FSHR: variants seen among roughly 807,000 people sequenced by gnomAD.
The protein encoded by FSHR is follicle stimulating hormone receptor, also known as follicle-stimulating hormone receptor.
In FSHR, 46 loss-of-function variants were observed where a neutral mutation model predicts 52.1. The ratio of observed to expected loss-of-function variants is 0.88; its 90% CI spans 0.70 to 1.13. The LOEUF is 1.13. Ranked by LOEUF, FSHR falls within the 50% of genes most tolerant of loss-of-function variation. The pLI, the probability that FSHR is intolerant of heterozygous loss-of-function variation, is 0.00. For synonymous variants in FSHR, 399 were observed against 309.6 expected (o/e 1.29, Z -3.03); for missense variants, 964 against 834.6 (o/e 1.16, Z -1.91).
chr2:49,151,882 A>C (rs193234135), intron 1 of FSHR, among the ~76,000 whole-genome samples: 76 of 152,278 alleles, frequency 5.0e-4, no homozygotes, highest in Non-Finnish European at 8.7e-4. Flanking sequence ...TGTGAGTTGT[A>C]ATTCACTTGA....
rs563727214 is a variant in FSHR, at chr2:49,055,606, A to G, written c.224+12613T>C. On this transcript the variant is annotated intron_variant, in intron 2 of 9. Coordinates refer to ENST00000406846, the MANE Select transcript of FSHR (RefSeq NM_000145.4). ...CCAAAAGTTCTTTCCAAGGCACATTACAGTCAAATAGTCAAAAGTCAAAGA... is the reference window on the plus strand; with the variant it reads ...CCAAAAGTTCTTTCCAAGGCACATTGCAGTCAAATAGTCAAAAGTCAAAGA... 2.7e-3 allele frequency among the ~76,000 whole-genome samples: 413 copies of G among 150,890 alleles called. 3 individuals carry two copies. Among genetic ancestry groups the G allele is most frequent in the African/African-American group, 9.6e-3 (396 of 41,234 alleles).
intron 1 of FSHR, among the ~76,000 whole-genome samples, chr2:49,142,622 A>G (rs1403427569): frequency 6.6e-6 from 1 of 152,200 alleles, no homozygotes; most frequent in Non-Finnish European, 1.5e-5. Context: ...ATGAAGTTCT[A>G]TGTAATTGGA....
At chr2:48,983,334 G>C (rs1675343240) in intron 6 of FSHR, among the ~76,000 whole-genome samples, 168 bp from the exon 7 acceptor site, 1 of 152,182 alleles carries the variant, frequency 6.6e-6, no homozygotes, top group Admixed American at 6.5e-5. Flanking sequence ...ATTTATTGCT[G>C]TATAATCTTT....
intron 1 of FSHR, among the ~76,000 whole-genome samples, chr2:49,134,254 G>A (rs903779796): frequency 6.6e-6 from 1 of 152,166 alleles, no homozygotes; most frequent in Non-Finnish European, 1.5e-5. Context: ...AGTGGGCAAA[G>A]GATATGAACA....
intron 6 of FSHR, 74 bp downstream of exon 6, chr2:48,988,903 A>G (rs1216995302): frequency 7.9e-7 from 1 of 1,261,798 alleles, no homozygotes; most frequent in African/African-American, 1.5e-5. Flanking sequence ...AAAAAGGAGC[A>G]TCCAATTATG....
At chr2:49,102,024 G>A (rs1052275631) in intron 1 of FSHR, among the ~76,000 whole-genome samples, 1 of 152,098 alleles carries the variant, frequency 6.6e-6, no homozygotes, top group African/African-American at 2.4e-5. Flanking sequence ...CTACCACATT[G>A]GGGATTAAAT....
Position 49,013,255 on chromosome 2 carries a change from A to G in FSHR, c.374+4234T>C, listed in dbSNP as rs997454564. Among the ~76,000 whole-genome samples the G allele has an allele frequency of 3.3e-5, 5 of 151,804 alleles. No homozygotes were observed. In the East Asian group the frequency reaches 7.8e-4, roughly 24 times the overall value. ...TTCCCAGCCTCTAGAACTGTCAGAA[A>G]TAAATTTCTGTTGTTTAATTTACTT... On this transcript the variant is annotated intron_variant, in intron 4 of 9. Transcript: ENST00000406846.
rs572692264 is a variant in FSHR at position 49,069,934 on chromosome 2, G to A, written c.153-1644C>T. On this transcript the variant is annotated intron_variant, in intron 1 of 9. Transcript: ENST00000406846. ...TTGCTTTAGCCTTCTGTTATATATTGGTGTTAGTGAAATTTCTGTTTCAGA... is the reference window on the plus strand; with the variant it reads ...TTGCTTTAGCCTTCTGTTATATATTAGTGTTAGTGAAATTTCTGTTTCAGA... Among the ~76,000 whole-genome samples, 5 of 152,188 alleles carry A rather than the reference G, an allele frequency of 3.3e-5. No homozygotes were observed. The East Asian group carries it at 9.6e-4, about 29-fold the overall frequency.
At chr2:49,088,389 G>A (rs1670478029) in intron 1 of FSHR, among the ~76,000 whole-genome samples, 1 of 152,170 alleles carries the variant, frequency 6.6e-6, no homozygotes, top group East Asian at 1.9e-4. Context: ...CCAAGAAGGG[G>A]AAAGAAGAAA....
chr2:49,119,414 C>A (rs1156518566), intron 1 of FSHR, among the ~76,000 whole-genome samples: 3 of 151,586 alleles, frequency 2.0e-5, no homozygotes, highest in Non-Finnish European at 4.4e-5. Flanking sequence ...TTTTTTCATC[C>A]TAGTCATTTT....
chr2:49,048,193 C>G (rs1362530295), intron 2 of FSHR, among the ~76,000 whole-genome samples: 1 of 151,882 alleles, frequency 6.6e-6, no homozygotes, highest in African/African-American at 2.4e-5. Context: ...GCCTGTATAG[C>G]TTAAATTGAT....
At chr2:49,077,898 T>C (rs1378465979) in intron 1 of FSHR, among the ~76,000 whole-genome samples, 1 of 152,206 alleles carries the variant, frequency 6.6e-6, no homozygotes, top group Non-Finnish European at 1.5e-5. Flanking sequence ...CTAAACGTTA[T>C]TGTTCATATC....
intron 1 of FSHR, among the ~76,000 whole-genome samples, chr2:49,137,467 TC>T (rs1672527563): frequency 6.6e-6 from 1 of 152,148 alleles, no homozygotes. Context: ...CCAGCTGATT[TC>T]TTTGAAGAAA....
At chr2:49,047,425 G>A (rs1558409590) in intron 2 of FSHR, among the ~76,000 whole-genome samples, 1 of 152,172 alleles carries the variant, frequency 6.6e-6, no homozygotes, top group Non-Finnish European at 1.5e-5. Flanking sequence ...TCAAAAGACG[G>A]GATCTCTAAA....
intron 1 of FSHR, among the ~76,000 whole-genome samples, chr2:49,123,199 T>G (rs993183427): frequency 6.6e-6 from 1 of 152,084 alleles, no homozygotes; most frequent in Non-Finnish European, 1.5e-5. Flanking sequence ...TAGCTAAAAG[T>G]GAGAATTTAA....
Position 49,071,723 on chromosome 2 carries a change from C to T in FSHR, c.153-3433G>A, listed in dbSNP as rs1283521658. Among the ~76,000 whole-genome samples, 3 of 152,162 alleles carry T rather than the reference C, an allele frequency of 2.0e-5. No homozygotes were observed. In the East Asian group the frequency reaches 5.8e-4, roughly 29 times the overall value. ...TGTACAAGAAACACGGCATCAGCAT[C>T]TGCTTCTGGTGAGGGCCTCAGAAAT... On this transcript the variant is annotated intron_variant, in intron 1 of 9. Transcript: ENST00000406846.
chr2:49,121,477 A>G (rs1284024347), intron 1 of FSHR, among the ~76,000 whole-genome samples: 1 of 152,180 alleles, frequency 6.6e-6, no homozygotes, highest in African/African-American at 2.4e-5. Flanking sequence ...AAAAGTCCCT[A>G]GTCCTGTGCA....
At chr2:49,012,820 A>T (rs1055430308) in intron 4 of FSHR, among the ~76,000 whole-genome samples, 33 of 152,138 alleles carry the variant, frequency 2.2e-4, no homozygotes, top group African/African-American at 7.7e-4. Flanking sequence ...TGGCTGCTGG[A>T]GCATGAAGCT....
chr2:49,152,242 C>T lies in FSHR; in HGVS notation c.152+2024G>A, dbSNP rs550555135. On this transcript the variant is annotated intron_variant, in intron 1 of 9. Transcript: ENST00000406846. ...AGTAAGGAATTGACCTAGAGCTAGC[C>T]TTTGTCAAGAATGTGAAATTTGTTT... Among the ~76,000 whole-genome samples, 7 of 152,224 alleles carry T rather than the reference C, an allele frequency of 4.6e-5. No individual in the cohort carries two copies. The South Asian group carries it at 1.0e-3, about 23-fold the overall frequency.
Sources: allele counts gnomAD v4.1 joint callset (sites outside exome capture counted in the v4.1 genomes callset), GRCh38; gene constraint gnomAD v4.1.1; transcripts MANE v1.5; gene names NCBI Gene and HGNC (gene_info 2026-07-23, HGNC 2026-07-21).